Variants in CLDN9 observed in about 807,000 individuals in gnomAD.
The protein encoded by CLDN9 is claudin-9.
A neutral mutation model predicts 10.1 loss-of-function variants in CLDN9; 14 were observed. The observed-to-expected ratio is 1.38, with a 90% CI of 0.91 to 2.16. The LOEUF (loss-of-function observed/expected upper bound fraction) is 2.16, where lower values mean the gene tolerates loss of function less well. Ranked by LOEUF, CLDN9 falls within the 30% of genes most tolerant of loss-of-function variation. The pLI is 0.00. For missense variants in CLDN9, 332 were observed against 294.8 expected, an observed-to-expected ratio of 1.13 and a Z score of -0.93; for synonymous variants, 162 against 143.1, an observed-to-expected ratio of 1.13 and a Z score of -0.95.
Position 3,013,708 on chromosome 16 carries a change from C to T in CLDN9, c.346C>T (p.Arg116Cys), listed in dbSNP as rs34769999. 2.5e-4 allele frequency: 402 copies of T among 1,613,608 alleles called. 1 individual carries two copies. Among genetic ancestry groups the T allele is most frequent in the African/African-American group, 5.1e-4 (38 of 74,922 alleles). The change falls in exon 1 of 1, where the codon CGT becomes TGT. Residue 116 changes from arginine (R) to cysteine (C), a missense_variant. Physicochemically the swap from Arg to Cys is radical, Grantham distance 180. Transcript: ENST00000445369. The surrounding 1 kb of genome is among the most constrained non-coding windows in gnomAD (Gnocchi z 6.4). ...TCVEDEGAKA[R>C]IVLTAGVILL... ...TGTGGAGGACGAAGGTGCCAAGGCCCGTATCGTGCTCACCGCGGGGGTCAT... is the reference window on the plus strand; with the variant it reads ...TGTGGAGGACGAAGGTGCCAAGGCCTGTATCGTGCTCACCGCGGGGGTCAT...
chr16:3,013,870 G>A lies in CLDN9; in HGVS notation c.508G>A (p.Ala170Thr). ...LGASLYLGWA[A>T]AALLMLGGGL... Reference sequence around the variant, plus strand: ...GGCCTCCCTCTACCTGGGCTGGGCGGCGGCTGCACTGCTTATGCTGGGCGG... The same window carrying A: ...GGCCTCCCTCTACCTGGGCTGGGCGACGGCTGCACTGCTTATGCTGGGCGG... Residue 170 changes from alanine to threonine, a missense_variant, in exon 1 of 1, where the codon GCG becomes ACG. Coordinates refer to ENST00000445369, the MANE Select transcript of CLDN9 (RefSeq NM_020982.4). The surrounding 1 kb of genome is among the most constrained non-coding windows in gnomAD (Gnocchi z 6.4). 1 of 1,612,082 alleles carries A rather than the reference G, an allele frequency of 6.2e-7. No homozygotes were observed. The highest frequency in any genetic ancestry group is 8.5e-7 in the Non-Finnish European group (1 of 1,179,674).
Position 3,013,713 on chromosome 16 carries a change from C to T in CLDN9, c.351C>T (p.Ile117=), listed in dbSNP as rs746690844. 22 of 1,613,520 alleles carry T rather than the reference C, an allele frequency of 1.4e-5. No individual in the cohort carries two copies. In the Admixed American group the frequency reaches 1.8e-4, roughly 13 times the overall value. ...CVEDEGAKAR[I]VLTAGVILLL... Reference sequence around the variant, plus strand: ...AGGACGAAGGTGCCAAGGCCCGTATCGTGCTCACCGCGGGGGTCATCCTCC... The same window carrying T: ...AGGACGAAGGTGCCAAGGCCCGTATTGTGCTCACCGCGGGGGTCATCCTCC... The change falls in exon 1 of 1, where the codon ATC becomes ATT. Residue 117 remains isoleucine, a synonymous_variant. Transcript: ENST00000445369. The surrounding 1 kb of genome is among the most constrained non-coding windows in gnomAD (Gnocchi z 6.4).
chr16:3,014,117 A>T lies in CLDN9; in HGVS notation c.*101A>T. 7.6e-7 allele frequency: 1 copy of T among 1,317,122 alleles called. No individual in the cohort carries two copies. The highest frequency in any genetic ancestry group is 1.0e-6 in the Non-Finnish European group (1 of 974,186). The allele number at this position is 1,317,122 out of a possible 1,614,324, so 81.6% of individuals were successfully genotyped here. A position where few individuals can be genotyped will look rare whatever the true frequency, so the allele number is the denominator to read the frequency against. ...CTGCTCCATCACAACCTCCTTCCCC[A>T]GGAAAACCCACTTTCCAAAAGCCCA... On this transcript the variant is annotated 3_prime_UTR_variant, in exon 1 of 1. Transcript: ENST00000445369.
rs747735311 is a variant in CLDN9 at position 3,014,113 on chromosome 16, C to T, written c.*97C>T. ...TGCCCTGCTCCATCACAACCTCCTT[C>T]CCCAGGAAAACCCACTTTCCAAAAG... On this transcript the variant is annotated 3_prime_UTR_variant, in exon 1 of 1. Coordinates refer to ENST00000445369, the MANE Select transcript of CLDN9 (RefSeq NM_020982.4). The T allele has an allele frequency of 6.3e-5, 85 of 1,353,692 alleles. 1 individual carries two copies. Among genetic ancestry groups the T allele is most frequent in the Non-Finnish European group, 8.0e-5 (80 of 1,003,654 alleles). The allele number at this position is 1,353,692 out of a possible 1,614,324, so 83.9% of individuals were successfully genotyped here. A position where few individuals can be genotyped will look rare whatever the true frequency, so the allele number is the denominator to read the frequency against.
In CLDN9 at chr16:3,013,735, C is replaced by G. The variant is rs2072544969; in HGVS notation, c.373C>G (p.Leu125Val). 3 of 1,613,404 alleles carry G rather than the reference C, an allele frequency of 1.9e-6. No homozygotes were observed. Among genetic ancestry groups the G allele is most frequent in the African/African-American group, 2.7e-5 (2 of 74,928 alleles). The change falls in exon 1 of 1, where the codon CTC becomes GTC. Residue 125 changes from leucine (L) to valine (V), a missense_variant. Coordinates refer to ENST00000445369, the MANE Select transcript of CLDN9 (RefSeq NM_020982.4). This position sits in a 1 kb window ranked among gnomAD's most constrained non-coding sequence, Gnocchi z 6.4. ...TATCGTGCTCACCGCGGGGGTCATCCTCCTCCTCGCCGGCATCCTGGTGCT... is the reference window on the plus strand; with the variant it reads ...TATCGTGCTCACCGCGGGGGTCATCGTCCTCCTCGCCGGCATCCTGGTGCT... The part of the protein sequence containing the change: ...ARIVLTAGVI[L>V]LLAGILVLIP...
In CLDN9 at chr16:3,013,375, G is replaced by C. The variant is rs538519186; in HGVS notation, c.13G>C (p.Gly5Arg). Residue 5 changes from glycine (G) to arginine (R), a missense_variant, in exon 1 of 1, where the codon GGC (glycine) becomes CGC (arginine). Transcript: ENST00000445369. This position sits in a 1 kb window ranked among gnomAD's most constrained non-coding sequence, Gnocchi z 6.4. The stretch of plus-strand genomic sequence containing the variant: ...ACCGAGGGGCCAGATGGCTTCGACC[G>C]GCTTAGAACTGCTGGGCATGACCCT... The part of the protein sequence containing the change: MAST[G>R]LELLGMTLAV... The C allele has an allele frequency of 6.2e-7, 1 of 1,612,378 alleles. No individual in the cohort carries two copies. The highest frequency in any genetic ancestry group is 1.7e-4 in the Middle Eastern group (1 of 6,058).
In CLDN9 at chr16:3,013,473, C is replaced by A. The variant is rs772316258; in HGVS notation, c.111C>A (p.Gly37=). Residue 37 remains glycine (G), a synonymous_variant, in exon 1 of 1, where the codon GGC becomes GGA. Coordinates refer to ENST00000445369, the MANE Select transcript of CLDN9 (RefSeq NM_020982.4). The surrounding 1 kb of genome is among the most constrained non-coding windows in gnomAD (Gnocchi z 6.4). ...LPLWKVTAFI[G]NSIVVAQVVW... The stretch of plus-strand genomic sequence containing the variant: ...TGTGGAAGGTGACCGCCTTCATCGG[C>A]AACAGCATCGTGGTGGCCCAGGTGG... 1 of 1,614,094 alleles carries A rather than the reference C, an allele frequency of 6.2e-7. No individual in the cohort carries two copies.
Position 3,013,440 on chromosome 16 carries a change from C to T in CLDN9, c.78C>T (p.Ala26=), listed in dbSNP as rs754710403. Residue 26 remains alanine, a synonymous_variant, in exon 1 of 1, where the codon GCC becomes GCT. Transcript: ENST00000445369. This position sits in a 1 kb window ranked among gnomAD's most constrained non-coding sequence, Gnocchi z 6.4. ...LGWLGTLVSC[A]LPLWKVTAFI... ...GGCTGGGGACCCTGGTGTCCTGCGC[C>T]CTGCCCCTGTGGAAGGTGACCGCCT... is the stretch of plus-strand genomic sequence containing the variant. 1.2e-6 allele frequency: 2 copies of T among 1,614,102 alleles called. No homozygotes were observed. Among genetic ancestry groups the T allele is most frequent in the Admixed American group, 1.7e-5 (1 of 60,026 alleles).
At position 3,012,932 on chromosome 16, in the gene CLDN9, A is replaced by T; in HGVS notation, c.-431A>T. The T allele has an allele frequency of 4.8e-6, 1 of 209,824 alleles. No homozygotes were observed. Among genetic ancestry groups the T allele is most frequent in the Non-Finnish European group, 9.7e-6 (1 of 102,690 alleles). The allele number at this position is 209,824 out of a possible 1,614,324, so 13.0% of individuals were successfully genotyped here. A position where few individuals can be genotyped will look rare whatever the true frequency, so the allele number is the denominator to read the frequency against. ...GCAGCCGAGAGCCCGCAGAGTCCCC[A>T]GGTGGCACTGTCAGAGTCGCTCAGT... On this transcript the variant is annotated 5_prime_UTR_variant, in exon 1 of 1. Coordinates refer to ENST00000445369, the MANE Select transcript of CLDN9 (RefSeq NM_020982.4).
rs1302111859 is a variant in CLDN9 at position 3,013,907 on chromosome 16, G to A, written c.545G>A (p.Cys182Tyr). The change falls in exon 1 of 1, where the codon TGC (cysteine) becomes TAC (tyrosine). Residue 182 changes from cysteine (C) to tyrosine (Y), a missense_variant. Physicochemically the swap from Cys to Tyr is radical, Grantham distance 194. Transcript: ENST00000445369. This position sits in a 1 kb window ranked among gnomAD's most constrained non-coding sequence, Gnocchi z 6.4. ...CTTATGCTGGGCGGGGGGCTCCTCT[G>A]CTGCACGTGCCCCCCGCCCCAGGTC... ...ALLMLGGGLLCCTCPPPQVER... is the reference protein window; with the variant it reads ...ALLMLGGGLLYCTCPPPQVER... 1 of 1,600,610 alleles carries A rather than the reference G, an allele frequency of 6.2e-7. No homozygotes were observed. The highest frequency in any genetic ancestry group is 1.3e-5 in the African/African-American group (1 of 74,192).
rs1212266791 is a variant in CLDN9, at chr16:3,013,059, A to G, written c.-304A>G. 2 of 373,142 alleles carry G rather than the reference A, an allele frequency of 5.4e-6. No individual in the cohort carries two copies. The highest frequency in any genetic ancestry group is 1.0e-4 in the East Asian group (2 of 19,812). 23.1% of individuals were successfully genotyped at this position (373,142 alleles called of 1,614,324 possible). A position where few individuals can be genotyped will look rare whatever the true frequency, so the allele number is the denominator to read the frequency against. On this transcript the variant is annotated 5_prime_UTR_variant, in exon 1 of 1. Transcript: ENST00000445369. This position sits in a 1 kb window ranked among gnomAD's most constrained non-coding sequence, Gnocchi z 6.4. ...GCCCAGGTGTGACAGCGGGGTGGTA[A>G]GAGCAGCAGCACCCTCAGGGCATCC...
In CLDN9 at chr16:3,013,868, C is replaced by A; in HGVS notation, c.506C>A (p.Ala169Glu). The A allele has an allele frequency of 6.2e-7, 1 of 1,612,044 alleles. No individual in the cohort carries two copies. The highest frequency in any genetic ancestry group is 2.2e-5 in the East Asian group (1 of 44,848). ...ELGASLYLGW[A>E]AAALLMLGGG... Reference sequence around the variant, plus strand: ...GGGGCCTCCCTCTACCTGGGCTGGGCGGCGGCTGCACTGCTTATGCTGGGC... The same window carrying A: ...GGGGCCTCCCTCTACCTGGGCTGGGAGGCGGCTGCACTGCTTATGCTGGGC... The change falls in exon 1 of 1, where the codon GCG (alanine) becomes GAG (glutamate). Residue 169 changes from alanine to glutamate, a missense_variant. Ala to Glu is a moderately radical substitution (Grantham distance 107). Coordinates refer to ENST00000445369, the MANE Select transcript of CLDN9 (RefSeq NM_020982.4). The surrounding 1 kb of genome is among the most constrained non-coding windows in gnomAD (Gnocchi z 6.4).
Position 3,013,174 on chromosome 16 carries a change from T to C in CLDN9, c.-189T>C, listed in dbSNP as rs900000322. ...GTGCTCCGCGAGGACCAGAAACACC[T>C]GCAAGAGGCACGGAGAGGAGGCGCC... On this transcript the variant is annotated 5_prime_UTR_variant, in exon 1 of 1. Coordinates refer to ENST00000445369, the MANE Select transcript of CLDN9 (RefSeq NM_020982.4). The surrounding 1 kb of genome is among the most constrained non-coding windows in gnomAD (Gnocchi z 6.4). The C allele has an allele frequency of 1.6e-6, 1 of 641,278 alleles. No homozygotes were observed. Among genetic ancestry groups the C allele is most frequent in the Non-Finnish European group, 2.7e-6 (1 of 376,528 alleles). The allele number at this position is 641,278 out of a possible 1,614,324, so 39.7% of individuals were successfully genotyped here. A position where few individuals can be genotyped will look rare whatever the true frequency, so the allele number is the denominator to read the frequency against.
Position 3,013,453 on chromosome 16 carries a change from A to C in CLDN9, c.91A>C (p.Lys31Gln), listed in dbSNP as rs773818198. 6.2e-7 allele frequency: 1 copy of C among 1,614,002 alleles called. No individual in the cohort carries two copies. The highest frequency in any genetic ancestry group is 8.5e-7 in the Non-Finnish European group (1 of 1,180,000). The change falls in exon 1 of 1, where the codon AAG becomes CAG. Residue 31 changes from lysine to glutamine, a missense_variant. Coordinates refer to ENST00000445369, the MANE Select transcript of CLDN9 (RefSeq NM_020982.4). The surrounding 1 kb of genome is among the most constrained non-coding windows in gnomAD (Gnocchi z 6.4). ...GGTGTCCTGCGCCCTGCCCCTGTGG[A>C]AGGTGACCGCCTTCATCGGCAACAG... is the stretch of plus-strand genomic sequence containing the variant. ...TLVSCALPLW[K>Q]VTAFIGNSIV...
rs1254769469 is a variant in CLDN9, at chr16:3,013,139, A to C, written c.-224A>C. The C allele has an allele frequency of 1.7e-6, 1 of 586,348 alleles. No individual in the cohort carries two copies. Among genetic ancestry groups the C allele is most frequent in the African/African-American group, 1.9e-5 (1 of 53,608 alleles). 36.3% of individuals were successfully genotyped at this position (586,348 alleles called of 1,614,324 possible). A position where few individuals can be genotyped will look rare whatever the true frequency, so the allele number is the denominator to read the frequency against. ...CACCACTCAGCCGAGCGGGACTACG[A>C]GTCTGCTTTGTGCTCCGCGAGGACC... is the stretch of plus-strand genomic sequence containing the variant. On this transcript the variant is annotated 5_prime_UTR_variant, in exon 1 of 1. Coordinates refer to ENST00000445369, the MANE Select transcript of CLDN9 (RefSeq NM_020982.4). The surrounding 1 kb of genome is among the most constrained non-coding windows in gnomAD (Gnocchi z 6.4).
At position 3,013,780 on chromosome 16, in the gene CLDN9, G is replaced by T. The variant is rs777558859; in HGVS notation, c.418G>T (p.Ala140Ser). 88 of 1,613,248 alleles carry T rather than the reference G, an allele frequency of 5.5e-5. No homozygotes were observed. Among genetic ancestry groups the T allele is most frequent in the Non-Finnish European group, 7.0e-5 (83 of 1,179,980 alleles). The change falls in exon 1 of 1, where the codon GCG (alanine) becomes TCG (serine). Residue 140 changes from alanine to serine, a missense_variant. By Grantham distance (99) the Ala-to-Ser change is moderately conservative. Transcript: ENST00000445369. This position sits in a 1 kb window ranked among gnomAD's most constrained non-coding sequence, Gnocchi z 6.4. ...GGTGCTCATCCCTGTGTGCTGGACG[G>T]CGCACGCCATCATCCAGGACTTCTA... ...ILVLIPVCWT[A>S]HAIIQDFYNP...
chr16:3,014,021 G>A lies in CLDN9; in HGVS notation c.*5G>A. 6.6e-7 allele frequency: 1 copy of A among 1,512,538 alleles called. No homozygotes were observed. The highest frequency in any genetic ancestry group is 8.8e-7 in the Non-Finnish European group (1 of 1,131,496). The allele number at this position is 1,512,538 out of a possible 1,614,324, so 93.7% of individuals were successfully genotyped here. ...GACAAGAGGGACTACGTGTGAGGCGGAGGTTTCCCCTGGGAGCCCACTGCT... is the reference window on the plus strand; with the variant it reads ...GACAAGAGGGACTACGTGTGAGGCGAAGGTTTCCCCTGGGAGCCCACTGCT... On this transcript the variant is annotated 3_prime_UTR_variant, in exon 1 of 1. Coordinates refer to ENST00000445369, the MANE Select transcript of CLDN9 (RefSeq NM_020982.4).
Position 3,013,215 on chromosome 16 carries a change from T to C in CLDN9, c.-148T>C. ...AGGAGGCGCCTTTCAAGAGGCGCCT[T>C]TCATGGAACTGAGGACTGGCCTGGC... On this transcript the variant is annotated 5_prime_UTR_variant, in exon 1 of 1. Transcript: ENST00000445369. The surrounding 1 kb of genome is among the most constrained non-coding windows in gnomAD (Gnocchi z 6.4). The C allele has an allele frequency of 1.1e-6, 1 of 899,138 alleles. No homozygotes were observed. Among genetic ancestry groups the C allele is most frequent in the Non-Finnish European group, 1.6e-6 (1 of 610,266 alleles). 55.7% of individuals were successfully genotyped at this position (899,138 alleles called of 1,614,324 possible). A position where few individuals can be genotyped will look rare whatever the true frequency, so the allele number is the denominator to read the frequency against.
chr16:3,013,461 C>T lies in CLDN9; in HGVS notation c.99C>T (p.Thr33=), dbSNP rs752573201. Residue 33 remains threonine (T), a synonymous_variant, in exon 1 of 1, where the codon ACC becomes ACT. Coordinates refer to ENST00000445369, the MANE Select transcript of CLDN9 (RefSeq NM_020982.4). This position sits in a 1 kb window ranked among gnomAD's most constrained non-coding sequence, Gnocchi z 6.4. ...VSCALPLWKV[T]AFIGNSIVVA... ...GCGCCCTGCCCCTGTGGAAGGTGACCGCCTTCATCGGCAACAGCATCGTGG... is the reference window on the plus strand; with the variant it reads ...GCGCCCTGCCCCTGTGGAAGGTGACTGCCTTCATCGGCAACAGCATCGTGG... 59 of 1,613,980 alleles carry T rather than the reference C, an allele frequency of 3.7e-5. No homozygotes were observed. Among genetic ancestry groups the T allele is most frequent in the East Asian group, 2.5e-4 (11 of 44,872 alleles).
Sources: allele counts gnomAD v4.1 joint callset, GRCh38; gene constraint gnomAD v4.1.1; non-coding constraint Gnocchi (gnomAD v3.1); transcripts MANE v1.5; gene names NCBI Gene and HGNC (gene_info 2026-07-23, HGNC 2026-07-21).